The following TNRC6B variants were observed in gnomAD, a reference collection of about 807,000 sequenced individuals.
TNRC6B encodes the protein trinucleotide repeat-containing gene 6B protein.
A neutral mutation model predicts 203.6 loss-of-function variants in TNRC6B; 52 were observed. The ratio of observed to expected loss-of-function variants is 0.26; its 90% CI spans 0.20 to 0.32. The LOEUF (loss-of-function observed/expected upper bound fraction) is 0.32, where lower values mean the gene tolerates loss of function less well. Among genes scored for constraint, TNRC6B ranks in the 10% least tolerant of loss-of-function variants. TNRC6B has a pLI of 1.00. For synonymous variants in TNRC6B, 838 were observed against 845.7 expected (o/e 0.99, Z 0.16); for missense variants, 1,923 against 2,286.2 (o/e 0.84, Z 3.24).
In TNRC6B at chr22:40,324,413, A is replaced by G. The variant is rs966891119; in HGVS notation, c.*1172A>G. 4.6e-5 allele frequency: 7 copies of G among 152,622 alleles called. No individual in the cohort carries two copies. Among genetic ancestry groups the G allele is most frequent in the African/African-American group, 1.7e-4 (7 of 41,448 alleles). The allele number at this position is 152,622 out of a possible 1,614,324, so 9.5% of individuals were successfully genotyped here. On this transcript the variant is annotated 3_prime_UTR_variant, in exon 23 of 23. Coordinates refer to ENST00000454349, the MANE Select transcript of TNRC6B (RefSeq NM_001162501.2). ...TAACTTTTGATGATGCGATGTCTCA[A>G]AAACAGAGAAACTTTGTTCCCTCTT...
At chr22:40,134,883 C>T (rs1463331980) in intron 3 of TNRC6B, among the ~76,000 whole-genome samples, 1 of 152,144 alleles carries the variant, frequency 6.6e-6, no homozygotes, top group Non-Finnish European at 1.5e-5. Context: ...TTTAAGACTC[C>T]ATTACCAAGA....
At chr22:40,161,556 G>A (rs1472158494) in intron 4 of TNRC6B, among the ~76,000 whole-genome samples, 1 of 152,144 alleles carries the variant, frequency 6.6e-6, no homozygotes, top group Admixed American at 6.5e-5. Context: ...ATAGAACTAA[G>A]TTCTATTAAG....
At chr22:40,291,276 T>C (rs2146535031) in intron 12 of TNRC6B, among the ~76,000 whole-genome samples, 1 of 152,124 alleles carries the variant, frequency 6.6e-6, no homozygotes, top group East Asian at 1.9e-4. Flanking sequence ...TCCCAGCTAC[T>C]TGGGAGGCTG....
chr22:40,139,177 A>T (rs980570155), intron 3 of TNRC6B, among the ~76,000 whole-genome samples: 3 of 152,160 alleles, frequency 2.0e-5, no homozygotes, highest in African/African-American at 7.2e-5. Context: ...ATTCCATATA[A>T]ATAGAATCAT....
At chr22:40,295,242 G>A (rs371763262) in intron 12 of TNRC6B, among the ~76,000 whole-genome samples, 1 of 152,134 alleles carries the variant, frequency 6.6e-6, no homozygotes, top group African/African-American at 2.4e-5. Context: ...TCGGGAGTCC[G>A]AGGTGGGTGG....
At chr22:40,132,969 A>AAAAAAAAATATAT (rs1282694632) in intron 3 of TNRC6B, among the ~76,000 whole-genome samples, 2 of 78,172 alleles carry the variant, frequency 2.6e-5, no homozygotes, top group Admixed American at 3.8e-4. Flanking sequence ...AAAAAAAAAA[A>AAAAAAAAATATAT]ATATATATAT....
chr22:40,199,652 T>C (rs2069384215), intron 1 of TNRC6B, among the ~76,000 whole-genome samples: 1 of 152,118 alleles, frequency 6.6e-6, no homozygotes, highest in South Asian at 2.1e-4. Context: ...GACCTCGATC[T>C]TTTTACTATA....
chr22:40,276,941 A>G (rs564261239), intron 7 of TNRC6B, 136 bp from the exon 8 acceptor site: 1 of 521,294 alleles, frequency 1.9e-6, no homozygotes, highest in Non-Finnish European at 3.2e-6. Flanking sequence ...AACATAAAAT[A>G]TCAACATAAT....
chr22:40,262,227 T>C (rs1228734878), intron 4 of TNRC6B, 54 bp downstream of exon 4: 4 of 1,323,536 alleles, frequency 3.0e-6, no homozygotes, highest in Non-Finnish European at 2.9e-6. Flanking sequence ...GAGAGCACTT[T>C]GTTTGCATTG....
intron 15 of TNRC6B, among the ~76,000 whole-genome samples, chr22:40,306,172 A>G (rs1345335831): frequency 6.6e-6 from 1 of 152,180 alleles, no homozygotes; most frequent in Non-Finnish European, 1.5e-5. Context: ...AGGCACCTGT[A>G]GTCCCAGCTG....
At chr22:40,155,366 G>A (rs2068810531) in intron 3 of TNRC6B, among the ~76,000 whole-genome samples, 1 of 152,100 alleles carries the variant, frequency 6.6e-6, no homozygotes. Flanking sequence ...TCGGCTCACT[G>A]CCACCTCTGC....
intron 1 of TNRC6B, among the ~76,000 whole-genome samples, chr22:40,073,120 C>G (rs1302087929): frequency 6.6e-6 from 1 of 150,668 alleles, no homozygotes; most frequent in Non-Finnish European, 1.5e-5. Context: ...GCCCCACACC[C>G]TACACATACA....
At chr22:40,188,382 A>G (rs1049585771) in intron 1 of TNRC6B, among the ~76,000 whole-genome samples, 1 of 152,214 alleles carries the variant, frequency 6.6e-6, no homozygotes, top group Non-Finnish European at 1.5e-5. Context: ...GATATCAGCT[A>G]TTCAGTCTTG....
intron 3 of TNRC6B, among the ~76,000 whole-genome samples, chr22:40,143,667 T>G (rs960253848): frequency 3.3e-5 from 5 of 152,098 alleles, no homozygotes; most frequent in African/African-American, 1.2e-4. Context: ...CCGCTAATTT[T>G]TTGTATTTTT....
At position 40,265,982 on chromosome 22, in the gene TNRC6B, C is replaced by A. The variant is rs2070473353; in HGVS notation, c.1752C>A (p.Asp584Glu). The A allele has an allele frequency of 6.2e-7, 1 of 1,613,860 alleles. No individual in the cohort carries two copies. Among genetic ancestry groups the A allele is most frequent in the Non-Finnish European group, 8.5e-7 (1 of 1,179,906 alleles). The change falls in exon 5 of 23, where the codon GAC (aspartate) becomes GAA (glutamate). Residue 584 changes from aspartate to glutamate, a missense_variant. By Grantham distance (45) the Asp-to-Glu change is conservative. This residue lies in a region of TNRC6B where 614 missense variants were observed against 587.7 expected (regional missense o/e 1.04). Transcript: ENST00000454349. ...TGSNHKAGSS[D>E]SHNSGRRSYR... ...GCAACCACAAAGCAGGAAGTAGTGA[C>A]AGTCATAACTCTGGCCGTCGGTCGT...
chr22:40,248,454 T>G (rs2070139519), intron 2 of TNRC6B, among the ~76,000 whole-genome samples: 1 of 152,238 alleles, frequency 6.6e-6, no homozygotes, highest in East Asian at 1.9e-4. Flanking sequence ...CAGAGTGATT[T>G]AGAGAGTATA....
intron 1 of TNRC6B, among the ~76,000 whole-genome samples, chr22:40,085,970 A>G (rs1037962164): frequency 6.6e-6 from 1 of 152,088 alleles, no homozygotes; most frequent in Non-Finnish European, 1.5e-5. Flanking sequence ...TCCCGGGCTC[A>G]GGTGATCCTC....
chr22:40,178,131 A>C lies in TNRC6B; in HGVS notation c.-5A>C. ...ATTTGCTGGATTTAAGCACTGCTGC[A>C]CTTTATGAGGTTGGTAAATATTTTC... is the stretch of plus-strand genomic sequence containing the variant. On this transcript the variant is annotated 5_prime_UTR_variant, in exon 1 of 23. Coordinates refer to ENST00000454349, the MANE Select transcript of TNRC6B (RefSeq NM_001162501.2). The C allele has an allele frequency of 1.2e-6, 2 of 1,613,626 alleles. No individual in the cohort carries two copies. Among genetic ancestry groups the C allele is most frequent in the Non-Finnish European group, 1.7e-6 (2 of 1,179,774 alleles).
intron 3 of TNRC6B, among the ~76,000 whole-genome samples, chr22:40,148,824 T>C (rs2068719815): frequency 6.6e-6 from 1 of 151,958 alleles, no homozygotes; most frequent in African/African-American, 2.4e-5. Context: ...AACACACAAA[T>C]AGGAAAAATA....
Sources: gnomAD v4.1 joint callset for allele counts (sites outside exome capture counted in the v4.1 genomes callset) on GRCh38, gnomAD v4.1.1 for gene constraint, gnomAD v4.1.1 regional missense constraint, MANE v1.5 for transcripts, NCBI Gene and HGNC (gene_info 2026-07-23, HGNC 2026-07-21) for gene names.